The following ANKRD17 variants were observed in gnomAD, a reference collection of about 807,000 sequenced individuals.
The protein encoded by ANKRD17 is ankyrin repeat domain 17.
A neutral mutation model predicts 229.7 loss-of-function variants in ANKRD17; 19 were observed. The observed-to-expected ratio is 0.08, with a 90% confidence interval of 0.06 to 0.12. ANKRD17 has a LOEUF of 0.12. Ranked by LOEUF, ANKRD17 falls within the 10% of genes least tolerant of loss-of-function variation. The probability of loss-of-function intolerance (pLI) is 1.00; values close to 1 mark genes in which losing one functional copy is unlikely to be tolerated. For missense variants in ANKRD17, 2,176 were observed against 3,176.8 expected (o/e 0.68, Z 7.57); for synonymous variants, 1,112 against 1,146.1 (o/e 0.97, Z 0.60).
intron 1 of ANKRD17, among the ~76,000 whole-genome samples, chr4:73,256,389 T>C (rs917317716): frequency 2.6e-5 from 4 of 152,242 alleles, no homozygotes; most frequent in African/African-American, 9.6e-5. Context: ...CTTAATAGTT[T>C]CACGAGAATT....
At chr4:73,171,219 GA>G (rs1733991602) in intron 2 of ANKRD17, among the ~76,000 whole-genome samples, 1 of 143,338 alleles carries the variant, frequency 7.0e-6, no homozygotes, top group Non-Finnish European at 1.5e-5. Flanking sequence ...GAGAGAGAGA[GA>G]GACTGAGACT....
intron 1 of ANKRD17, among the ~76,000 whole-genome samples, chr4:73,183,052 C>CT (rs1735790800): frequency 6.6e-6 from 1 of 152,166 alleles, no homozygotes; most frequent in South Asian, 2.1e-4. Flanking sequence ...AAAGGAAAGT[C>CT]TAAAATGTGG....
intron 1 of ANKRD17, among the ~76,000 whole-genome samples, chr4:73,203,983 G>T (rs1302549347): frequency 6.6e-6 from 1 of 151,986 alleles, no homozygotes; most frequent in African/African-American, 2.4e-5. Context: ...GCACAGAAAG[G>T]AAGATAAGAA....
intron 1 of ANKRD17, among the ~76,000 whole-genome samples, chr4:73,239,684 T>TC (rs888119282): frequency 4.6e-5 from 7 of 152,162 alleles, no homozygotes; most frequent in African/African-American, 1.7e-4. Context: ...CTCTGTATCT[T>TC]CCTCTACTGT....
chr4:73,093,673 C>G (rs756672157), intron 28 of ANKRD17, among the ~76,000 whole-genome samples: 3 of 152,088 alleles, frequency 2.0e-5, no homozygotes, highest in Non-Finnish European at 2.9e-5. Flanking sequence ...CGTGCCCAGC[C>G]CAAGAACTCA....
At chr4:73,222,092 C>T (rs1413720772) in intron 1 of ANKRD17, among the ~76,000 whole-genome samples, 1 of 152,118 alleles carries the variant, frequency 6.6e-6, no homozygotes, top group Non-Finnish European at 1.5e-5. Flanking sequence ...GAATACCACT[C>T]ACCACCATAA....
rs113312873 is a variant in ANKRD17 at position 73,106,459 on chromosome 4, A to G, written c.4402-3912T>C. Among the ~76,000 whole-genome samples, 222 of 152,308 alleles carry G rather than the reference A, an allele frequency of 1.5e-3. 1 individual carries two copies. In the South Asian group the frequency reaches 0.016, roughly 11 times the overall value. The stretch of plus-strand genomic sequence containing the variant: ...GTGAATGGGATATGTGAGAAGTAGC[A>G]AACCATAGTGAAAGATGAGCCTGGA... On this transcript the variant is annotated intron_variant, in intron 24 of 33. Transcript: ENST00000358602.
intron 1 of ANKRD17, among the ~76,000 whole-genome samples, chr4:73,193,831 C>T (rs1358680280): frequency 6.6e-6 from 1 of 152,050 alleles, no homozygotes; most frequent in African/African-American, 2.4e-5. Context: ...GTACTCGGGG[C>T]TGGGGCAGGA....
intron 16 of ANKRD17, among the ~76,000 whole-genome samples, chr4:73,130,274 G>A (rs1728027416): frequency 6.6e-6 from 1 of 152,040 alleles, no homozygotes; most frequent in Non-Finnish European, 1.5e-5. Context: ...ATTAAAAGCA[G>A]TTCATATGAA....
At chr4:73,118,340 C>A (rs1726257831) in intron 22 of ANKRD17, among the ~76,000 whole-genome samples, 1 of 151,934 alleles carries the variant, frequency 6.6e-6, no homozygotes, top group Non-Finnish European at 1.5e-5. Flanking sequence ...AGTGGTAATA[C>A]AAGAAAACAC....
intron 7 of ANKRD17, 67 bp downstream of exon 7, chr4:73,151,363 A>G: frequency 1.4e-6 from 2 of 1,429,818 alleles, no homozygotes. Flanking sequence ...AAAGGCATTC[A>G]TTGTATACTA....
chr4:73,092,838 T>C (rs1722916577), intron 28 of ANKRD17, among the ~76,000 whole-genome samples: 1 of 152,204 alleles, frequency 6.6e-6, no homozygotes, highest in East Asian at 1.9e-4. Context: ...TGTCTATTAA[T>C]AGGATAATTA....
chr4:73,206,619 C>T (rs964540649), intron 1 of ANKRD17, among the ~76,000 whole-genome samples: 1 of 152,082 alleles, frequency 6.6e-6, no homozygotes, highest in African/African-American at 2.4e-5. Flanking sequence ...TCTAAAAAAG[C>T]TGAATTCATA....
intron 2 of ANKRD17, among the ~76,000 whole-genome samples, chr4:73,173,215 A>T (rs944957805): frequency 6.6e-6 from 1 of 152,218 alleles, no homozygotes; most frequent in Non-Finnish European, 1.5e-5. Context: ...CAAGATCATT[A>T]TATAATTATA....
In ANKRD17 at chr4:73,142,286, G is replaced by A; in HGVS notation, c.2185C>T (p.Pro729Ser). 2 of 1,558,486 alleles carry A rather than the reference G, an allele frequency of 1.3e-6. No homozygotes were observed. Among genetic ancestry groups the A allele is most frequent in the Non-Finnish European group, 1.7e-6 (2 of 1,165,194 alleles). The part of the protein sequence containing the change: ...YPNNLLSAPP[P>S]DVTQLTPPSH... ...GGGGGAGTTAACTGAGTGACATCTG[G>A]TGGAGGGGCTGAAAGCAAGTTATTA... is the stretch of plus-strand genomic sequence containing the variant. The change falls in exon 13 of 34, where the codon CCA (proline) becomes TCA (serine). Residue 729 changes from proline (P) to serine (S), a missense_variant. Pro to Ser is a moderately conservative substitution (Grantham distance 74). Coordinates refer to ENST00000358602, the MANE Select transcript of ANKRD17 (RefSeq NM_032217.5).
intron 1 of ANKRD17, among the ~76,000 whole-genome samples, chr4:73,209,518 A>G (rs938261260): frequency 1.3e-5 from 2 of 152,232 alleles, no homozygotes; most frequent in Non-Finnish European, 2.9e-5. Flanking sequence ...AACATTCCCA[A>G]AAACAAAACC....
chr4:73,156,269 G>A (rs752346151), intron 3 of ANKRD17, 103 bp from the exon 4 acceptor site: 14 of 1,375,386 alleles, frequency 1.0e-5, no homozygotes, highest in Admixed American at 2.9e-5. Context: ...GTTTAGAAAC[G>A]GAGTCTTGCT....
intron 1 of ANKRD17, among the ~76,000 whole-genome samples, chr4:73,247,298 T>C (rs1240093998): frequency 2.6e-5 from 4 of 152,092 alleles, no homozygotes; most frequent in African/African-American, 9.6e-5. Context: ...ACACTGCTGA[T>C]GCAAGCAAAA....
chr4:73,181,821 G>A (rs983915637), intron 1 of ANKRD17, among the ~76,000 whole-genome samples: 1 of 151,824 alleles, frequency 6.6e-6, no homozygotes, highest in Non-Finnish European at 1.5e-5. Context: ...GCCGAGGCGG[G>A]TGCATTGCCT....
Sources: allele counts gnomAD v4.1 joint callset (sites outside exome capture counted in the v4.1 genomes callset), GRCh38; gene constraint gnomAD v4.1.1; transcripts MANE v1.5; gene names NCBI Gene and HGNC (gene_info 2026-07-23, HGNC 2026-07-21).